SLC16A10: variants seen among roughly 807,000 people sequenced by gnomAD.
The protein encoded by SLC16A10 is monocarboxylate transporter 10.
SLC16A10 carries 27 observed loss-of-function variants against 40.0 expected under a neutral mutation model. The observed-to-expected ratio is 0.67, with a 90% CI of 0.50 to 0.93. The LOEUF is 0.93. Among genes scored for constraint, SLC16A10 ranks in the 40% least tolerant of loss-of-function variants. SLC16A10 has a pLI of 0.00. For synonymous variants in SLC16A10, 213 were observed against 249.8 expected (o/e 0.85, Z 1.39); for missense variants, 529 against 658.2 (o/e 0.80, Z 2.15).
In SLC16A10 at chr6:111,218,912, C is replaced by A; in HGVS notation, c.1185C>A (p.Phe395Leu). The change falls in exon 5 of 6, where the codon TTC (phenylalanine) becomes TTA (leucine). Residue 395 changes from phenylalanine to leucine, a missense_variant. Physicochemically the swap from Phe to Leu is conservative, Grantham distance 22. Transcript: ENST00000368851. ...LIAVCLIMGL[F>L]DGCFISIMAP... ...CTGTGTGCCTCATCATGGGTCTCTT[C>A]GATGGATGCTTCATTTCCATTATGG... 1 of 1,614,056 alleles carries A rather than the reference C, an allele frequency of 6.2e-7. No homozygotes were observed. The highest frequency in any genetic ancestry group is 8.5e-7 in the Non-Finnish European group (1 of 1,180,028).
rs746813285 is a variant in SLC16A10 at position 111,228,037 on chromosome 6, C to T, written c.*5802C>T. ...TGTAAAAGTAACAAAAAAGGAATAA[C>T]AACTAATATGGCCTGTGGATCTGAC... On this transcript the variant is annotated 3_prime_UTR_variant, in exon 6 of 6. Transcript: ENST00000368851. 1.3e-5 allele frequency: 2 copies of T among 152,160 alleles called. No individual in the cohort carries two copies. Among genetic ancestry groups the T allele is most frequent in the Non-Finnish European group, 2.9e-5 (2 of 68,016 alleles). The allele number at this position is 152,160 out of a possible 1,614,324, so 9.4% of individuals were successfully genotyped here.
chr6:111,092,877 T>TA (rs1391552910), intron 1 of SLC16A10, among the ~76,000 whole-genome samples: 1 of 151,266 alleles, frequency 6.6e-6, no homozygotes, highest in African/African-American at 2.4e-5. Context: ...CCGTTTCTAC[T>TA]AAAAATACAA....
intron 1 of SLC16A10, among the ~76,000 whole-genome samples, chr6:111,126,204 A>G (rs1024395615): frequency 6.6e-6 from 1 of 152,230 alleles, no homozygotes. Context: ...AAGACTGCTT[A>G]AAACAGTGTT....
At chr6:111,141,505 A>T (rs1771981252) in intron 1 of SLC16A10, among the ~76,000 whole-genome samples, 1 of 152,096 alleles carries the variant, frequency 6.6e-6, no homozygotes, top group Non-Finnish European at 1.5e-5. Flanking sequence ...TCTCCCAAAA[A>T]TACAAAATAA....
At chr6:111,128,884 C>CA (rs1306964692) in intron 1 of SLC16A10, among the ~76,000 whole-genome samples, 2 of 149,928 alleles carry the variant, frequency 1.3e-5, no homozygotes, top group African/African-American at 4.9e-5. Flanking sequence ...TTTTCATATT[C>CA]AAAAATAAAA....
chr6:111,225,726 A>C lies in SLC16A10; in HGVS notation c.*3491A>C, dbSNP rs995035952. ...AAATCAATGGAAAACTGAATAGAAA[A>C]TATGACACGAGATCGGGGAGGGGGA... On this transcript the variant is annotated 3_prime_UTR_variant, in exon 6 of 6. Transcript: ENST00000368851. The C allele has an allele frequency of 1.3e-5, 2 of 152,184 alleles. No homozygotes were observed. The highest frequency in any genetic ancestry group is 4.8e-5 in the African/African-American group (2 of 41,444). The allele number at this position is 152,184 out of a possible 1,614,324, so 9.4% of individuals were successfully genotyped here.
intron 1 of SLC16A10, among the ~76,000 whole-genome samples, chr6:111,090,959 G>A (rs1439669460): frequency 6.6e-6 from 1 of 152,172 alleles, no homozygotes; most frequent in Admixed American, 6.5e-5. Flanking sequence ...GATATACAGG[G>A]AGGTGGTGGT....
In SLC16A10 at chr6:111,203,751, T is replaced by A. The variant is rs9372297; in HGVS notation, c.943-2841T>A. ...ATAAATAAATAAATAAATAAATAAA[T>A]AAAATAATGCCCCTTCTAGTTGAAA... On this transcript the variant is annotated intron_variant, in intron 3 of 5. Coordinates refer to ENST00000368851, the MANE Select transcript of SLC16A10 (RefSeq NM_018593.5). Among the ~76,000 whole-genome samples, 103 of 147,756 alleles carry A rather than the reference T, an allele frequency of 7.0e-4. 1 individual carries two copies. The highest frequency in any genetic ancestry group is 3.5e-3 in the Middle Eastern group (1 of 288).
intron 1 of SLC16A10, among the ~76,000 whole-genome samples, chr6:111,096,445 G>T (rs1361462386): frequency 6.6e-6 from 1 of 152,050 alleles, no homozygotes; most frequent in Non-Finnish European, 1.5e-5. Context: ...TATTGGCAGA[G>T]ATTCAGAACA....
At position 111,126,015 on chromosome 6, in the gene SLC16A10, C is replaced by T. The variant is rs1386991809; in HGVS notation, c.343+37920C>T. Among the ~76,000 whole-genome samples, 15 of 152,226 alleles carry T rather than the reference C, an allele frequency of 9.9e-5. No homozygotes were observed. In the South Asian group the frequency reaches 1.9e-3, roughly 19 times the overall value. On this transcript the variant is annotated intron_variant, in intron 1 of 5. Transcript: ENST00000368851. Reference sequence around the variant, plus strand: ...AGAAATTAGTAACTTGAGTCAGTAGCGGCTTTGTTCAAACACAGGCACATG... The same window carrying T: ...AGAAATTAGTAACTTGAGTCAGTAGTGGCTTTGTTCAAACACAGGCACATG...
At chr6:111,095,115 C>T (rs1281592840) in intron 1 of SLC16A10, among the ~76,000 whole-genome samples, 3 of 152,252 alleles carry the variant, frequency 2.0e-5, no homozygotes, top group Non-Finnish European at 4.4e-5. Flanking sequence ...CGAAGGCCTG[C>T]AAGCTCTGGC....
In SLC16A10 at chr6:111,218,931, A is replaced by G. The variant is rs1325854942; in HGVS notation, c.1204A>G (p.Ile402Val). 2.5e-6 allele frequency: 4 copies of G among 1,614,028 alleles called. No homozygotes were observed. The highest frequency in any genetic ancestry group is 3.4e-6 in the Non-Finnish European group (4 of 1,180,012). ...MGLFDGCFISIMAPIAFELVG... is the reference protein window; with the variant it reads ...MGLFDGCFISVMAPIAFELVG... ...TCTCTTCGATGGATGCTTCATTTCC[A>G]TTATGGCTCCCATAGCCTTTGAGTT... The change falls in exon 5 of 6, where the codon ATT becomes GTT. Residue 402 changes from isoleucine to valine, a missense_variant. Physicochemically the swap from Ile to Val is conservative, Grantham distance 29. Transcript: ENST00000368851.
intron 1 of SLC16A10, among the ~76,000 whole-genome samples, chr6:111,150,852 T>C (rs1170120113): frequency 1.3e-5 from 2 of 152,156 alleles, no homozygotes; most frequent in Non-Finnish European, 2.9e-5. Context: ...ACTCGTACAA[T>C]ATTAGGACAG....
intron 5 of SLC16A10, among the ~76,000 whole-genome samples, chr6:111,220,277 C>G (rs1412297901): frequency 1.3e-5 from 2 of 152,102 alleles, no homozygotes. Context: ...GCAGTGGGTG[C>G]AAAACATTGT....
At chr6:111,102,944 C>A (rs958294644) in intron 1 of SLC16A10, among the ~76,000 whole-genome samples, 3 of 152,128 alleles carry the variant, frequency 2.0e-5, no homozygotes, top group African/African-American at 7.2e-5. Context: ...CTCTGTCACC[C>A]ATGCTGGAGT....
chr6:111,152,522 C>T (rs1055180346), intron 1 of SLC16A10, among the ~76,000 whole-genome samples: 5 of 152,162 alleles, frequency 3.3e-5, no homozygotes, highest in African/African-American at 1.2e-4. Context: ...AAAAATCTTC[C>T]TTGTCACATA....
chr6:111,104,209 G>A (rs1281667550), intron 1 of SLC16A10, among the ~76,000 whole-genome samples: 1 of 152,174 alleles, frequency 6.6e-6, no homozygotes, highest in Non-Finnish European at 1.5e-5. Flanking sequence ...GAGATACTGA[G>A]GATTTCTGAA....
chr6:111,100,589 A>G (rs1234932525), intron 1 of SLC16A10, among the ~76,000 whole-genome samples: 1 of 152,046 alleles, frequency 6.6e-6, no homozygotes, highest in East Asian at 1.9e-4. Flanking sequence ...GGGTTTCACC[A>G]TGTTAGCCAG....
rs1315284822 is a variant in SLC16A10 at position 111,223,638 on chromosome 6, G to A, written c.*1403G>A. On this transcript the variant is annotated 3_prime_UTR_variant, in exon 6 of 6. Coordinates refer to ENST00000368851, the MANE Select transcript of SLC16A10 (RefSeq NM_018593.5). ...TTTGCCTGTGGATGGTTCTTTTGCA[G>A]GAAAAAAAATCTACATTTTGACCAT... 1.3e-5 allele frequency: 2 copies of A among 151,782 alleles called. No homozygotes were observed. The highest frequency in any genetic ancestry group is 2.9e-5 in the Non-Finnish European group (2 of 67,934). The allele number at this position is 151,782 out of a possible 1,614,324, so 9.4% of individuals were successfully genotyped here. A position where few individuals can be genotyped will look rare whatever the true frequency, so the allele number is the denominator to read the frequency against.
Sources: gnomAD v4.1 joint callset for allele counts (sites outside exome capture counted in the v4.1 genomes callset) on GRCh38, gnomAD v4.1.1 for gene constraint, MANE v1.5 for transcripts, NCBI Gene and HGNC (gene_info 2026-07-23, HGNC 2026-07-21) for gene names.